The following LRRTM4 variants were observed in gnomAD, a reference collection of about 807,000 sequenced individuals.
The protein encoded by LRRTM4 is leucine rich repeat transmembrane neuronal 4.
Under a neutral mutation model 47.6 loss-of-function variants are expected in LRRTM4, and 25 were observed. That is an observed-to-expected ratio of 0.53 (90% CI 0.38 to 0.73). The LOEUF is 0.73. Among genes scored for constraint, LRRTM4 ranks in the 30% least tolerant of loss-of-function variants. The pLI, the probability that LRRTM4 is intolerant of heterozygous loss-of-function variation, is 0.00. For synonymous variants in LRRTM4, 311 were observed against 269.5 expected, an observed-to-expected ratio of 1.15 and a Z score of -1.51; for missense variants, 638 against 713.4, an observed-to-expected ratio of 0.89 and a Z score of 1.20.
chr2:76,859,657 G>A (rs956781886), intron 3 of LRRTM4, among the ~76,000 whole-genome samples: 1 of 151,960 alleles, frequency 6.6e-6, no homozygotes, highest in Non-Finnish European at 1.5e-5. Context: ...ATGGACAATC[G>A]TATACTCCAT....
chr2:77,459,193 T>C (rs572058556), intron 3 of LRRTM4, among the ~76,000 whole-genome samples: 11 of 152,248 alleles, frequency 7.2e-5, no homozygotes, highest in African/African-American at 2.4e-4. Context: ...TCCTCAAAAA[T>C]TGGATTTTAT....
At position 76,939,392 on chromosome 2, in the gene LRRTM4, A is replaced by C. The variant is rs190713710; in HGVS notation, c.1552-190476T>G. On this transcript the variant is annotated intron_variant, in intron 3 of 3. Transcript: ENST00000409884. Reference sequence around the variant, plus strand: ...AAATTCAACAGTAAATGGGCAAAAAAGTAGTAAAAGCATGTCTGCTCTTTA... The same window carrying C: ...AAATTCAACAGTAAATGGGCAAAAACGTAGTAAAAGCATGTCTGCTCTTTA... Among the ~76,000 whole-genome samples the C allele has an allele frequency of 8.4e-3, 1,280 of 152,264 alleles. 25 individuals carry two copies. The highest frequency in any genetic ancestry group is 0.028 in the African/African-American group (1,176 of 41,554).
intron 3 of LRRTM4, among the ~76,000 whole-genome samples, chr2:76,996,513 A>G (rs552112740): frequency 6.6e-6 from 1 of 151,760 alleles, no homozygotes; most frequent in South Asian, 2.1e-4. Flanking sequence ...ATAATTGTAT[A>G]AGATCAAGTA....
chr2:77,338,538 G>T (rs1164974911), intron 3 of LRRTM4, among the ~76,000 whole-genome samples: 1 of 151,790 alleles, frequency 6.6e-6, no homozygotes, highest in African/African-American at 2.4e-5. Flanking sequence ...AAACCACAAC[G>T]AGATATCATC....
chr2:76,907,589 C>A (rs1673892800), intron 3 of LRRTM4, among the ~76,000 whole-genome samples: 2 of 140,462 alleles, frequency 1.4e-5, no homozygotes, highest in Non-Finnish European at 3.0e-5. Flanking sequence ...AATTGATAGA[C>A]CACTAGCAAG....
intron 3 of LRRTM4, among the ~76,000 whole-genome samples, chr2:77,043,020 C>G (rs939821821): frequency 6.6e-6 from 1 of 151,720 alleles, no homozygotes; most frequent in South Asian, 2.1e-4. Context: ...TATGCTGGGA[C>G]TCGTGAGATT....
intron 3 of LRRTM4, among the ~76,000 whole-genome samples, chr2:77,511,592 ATTTAT>A (rs1678999074): frequency 6.6e-6 from 1 of 151,868 alleles, no homozygotes; most frequent in Non-Finnish European, 1.5e-5. Flanking sequence ...AAATTTGCTT[ATTTAT>A]TTTAAGCAAA....
chr2:77,123,607 CT>C (rs1196481751), intron 3 of LRRTM4, among the ~76,000 whole-genome samples: 1 of 151,902 alleles, frequency 6.6e-6, no homozygotes, highest in Non-Finnish European at 1.5e-5. Context: ...AAAAAAATCG[CT>C]TTTTTGAGTG....
intron 3 of LRRTM4, among the ~76,000 whole-genome samples, chr2:77,069,078 G>A (rs1680060114): frequency 1.3e-5 from 2 of 152,208 alleles, no homozygotes; most frequent in East Asian, 3.9e-4. Flanking sequence ...CTAATGACTG[G>A]CTTGCTGTTA....
chr2:77,296,062 T>G (rs569642862), intron 3 of LRRTM4, among the ~76,000 whole-genome samples: 1 of 152,336 alleles, frequency 6.6e-6, no homozygotes, highest in African/African-American at 2.4e-5. Flanking sequence ...AAATCCTTAA[T>G]TATTTTGTAT....
intron 3 of LRRTM4, among the ~76,000 whole-genome samples, chr2:77,071,524 A>C (rs1680155283): frequency 6.6e-6 from 1 of 152,142 alleles, no homozygotes; most frequent in Admixed American, 6.5e-5. Flanking sequence ...CTTGCTCCTG[A>C]ATTCTTCTAA....
At chr2:77,181,993 A>T (rs775808424) in intron 3 of LRRTM4, among the ~76,000 whole-genome samples, 1 of 152,160 alleles carries the variant, frequency 6.6e-6, no homozygotes, top group African/African-American at 2.4e-5. Flanking sequence ...TTAGTTCAAC[A>T]GTTGTGGAAG....
intron 3 of LRRTM4, among the ~76,000 whole-genome samples, chr2:76,847,234 A>T (rs1212336491): frequency 6.6e-6 from 1 of 152,150 alleles, no homozygotes; most frequent in African/African-American, 2.4e-5. Context: ...CATATTTGCA[A>T]CCCACTCCTA....
At position 76,973,689 on chromosome 2, in the gene LRRTM4, G is replaced by A. The variant is rs141556536; in HGVS notation, c.1552-224773C>T. Among the ~76,000 whole-genome samples, 1,111 of 151,966 alleles carry A rather than the reference G, an allele frequency of 7.3e-3. 30 individuals carry two copies. Among genetic ancestry groups the A allele is most frequent in the South Asian group, 0.068 (327 of 4,810 alleles). On this transcript the variant is annotated intron_variant, in intron 3 of 3. Coordinates refer to ENST00000409884, the MANE Select transcript of LRRTM4 (RefSeq NM_001134745.3). The stretch of plus-strand genomic sequence containing the variant: ...TAATACAGGCGAATAACCCATTTAC[G>A]TAATTTTCCATCTTTCGACAAGATG...
intron 3 of LRRTM4, among the ~76,000 whole-genome samples, chr2:76,955,714 G>A (rs1316775375): frequency 1.3e-5 from 2 of 151,686 alleles, no homozygotes; most frequent in Admixed American, 1.3e-4. Context: ...AACAGAAGAA[G>A]ATGCAGGATC....
chr2:76,819,202 G>A (rs1045273391), intron 3 of LRRTM4, among the ~76,000 whole-genome samples: 2 of 151,580 alleles, frequency 1.3e-5, no homozygotes, highest in Non-Finnish European at 2.9e-5. Flanking sequence ...AGTATTTATT[G>A]CCATGTTATT....
At chr2:77,206,312 G>A (rs919799432) in intron 3 of LRRTM4, among the ~76,000 whole-genome samples, 1 of 151,398 alleles carries the variant, frequency 6.6e-6, no homozygotes, top group Admixed American at 6.6e-5. Flanking sequence ...CTGAGTACCT[G>A]GGACCACAAG....
rs562567994 is a variant in LRRTM4 at position 77,159,893 on chromosome 2, T to C, written c.1551+358425A>G. Among the ~76,000 whole-genome samples the C allele has an allele frequency of 2.0e-5, 3 of 152,348 alleles. No individual in the cohort carries two copies. In the East Asian group the frequency reaches 5.8e-4, roughly 29 times the overall value. ...CTTATATCATGCAAGACAGAATCAA[T>C]CCATCTGATTGTGACAGAATCAATC... On this transcript the variant is annotated intron_variant, in intron 3 of 3. Coordinates refer to ENST00000409884, the MANE Select transcript of LRRTM4 (RefSeq NM_001134745.3).
intron 3 of LRRTM4, among the ~76,000 whole-genome samples, chr2:77,126,813 T>C (rs1671663431): frequency 6.6e-6 from 1 of 152,222 alleles, no homozygotes; most frequent in Admixed American, 6.5e-5. Context: ...ATTCAATCCC[T>C]GCAAGATGTG....
Sources: gnomAD v4.1 joint callset for allele counts (sites outside exome capture counted in the v4.1 genomes callset) on GRCh38, gnomAD v4.1.1 for gene constraint, MANE v1.5 for transcripts, NCBI Gene and HGNC (gene_info 2026-07-23, HGNC 2026-07-21) for gene names.